HEMK2: variants seen among roughly 807,000 people sequenced by gnomAD.
The protein encoded by HEMK2 is HemK methyltransferase 2, ETF1 glutamine and histone H4 lysine.
chr21:28,876,142 G>A, the HEMK2 span: 1 of 294,700 alleles, frequency 3.4e-6, no homozygotes, highest in African/African-American at 2.2e-5. Context: ...ACCACATAAT[G>A]CTGAAATAAA....
the HEMK2 span, among the ~76,000 whole-genome samples, chr21:28,856,329 T>A: frequency 3.3e-5 from 5 of 151,912 alleles, no homozygotes; most frequent in African/African-American, 1.2e-4. Flanking sequence ...GCAGGAGAAT[T>A]GTTTCAACCT....
chr21:28,684,459 A>G, the HEMK2 span, among the ~76,000 whole-genome samples: 1 of 152,210 alleles, frequency 6.6e-6, no homozygotes, highest in Non-Finnish European at 1.5e-5. Context: ...CCTAATTTCG[A>G]GTCTGTCATT....
chr21:28,709,003 G>A, the HEMK2 span, among the ~76,000 whole-genome samples: 1 of 152,172 alleles, frequency 6.6e-6, no homozygotes, highest in Non-Finnish European at 1.5e-5. Context: ...GTATGGTCTG[G>A]TCCTGGTGAG....
At chr21:28,823,710 G>A in the HEMK2 span, among the ~76,000 whole-genome samples, 1 of 152,076 alleles carries the variant, frequency 6.6e-6, no homozygotes, top group African/African-American at 2.4e-5. Flanking sequence ...AAAGTAGCCC[G>A]CAAATCCTAG....
the HEMK2 span, among the ~76,000 whole-genome samples, chr21:28,686,211 T>C: frequency 1.3e-5 from 2 of 152,104 alleles, no homozygotes; most frequent in African/African-American, 4.8e-5. Context: ...TGTTTTTTGT[T>C]TTTTTGTTTT....
At chr21:28,799,908 T>C in the HEMK2 span, among the ~76,000 whole-genome samples, 1 of 152,314 alleles carries the variant, frequency 6.6e-6, no homozygotes, top group East Asian at 1.9e-4. Context: ...TGTAGTTCAG[T>C]GATGAGAGGA....
chr21:28,807,336 C>T, the HEMK2 span, among the ~76,000 whole-genome samples: 1 of 152,210 alleles, frequency 6.6e-6, no homozygotes, highest in African/African-American at 2.4e-5. Context: ...TGCCTACCCA[C>T]CATATCCAAT....
chr21:28,698,865 T>C, the HEMK2 span, among the ~76,000 whole-genome samples: 1 of 152,190 alleles, frequency 6.6e-6, no homozygotes, highest in African/African-American at 2.4e-5. Context: ...ATTATGTTTT[T>C]AAAAAGACAA....
the HEMK2 span, among the ~76,000 whole-genome samples, chr21:28,721,906 A>G: frequency 8.8e-5 from 12 of 136,524 alleles, no homozygotes; most frequent in African/African-American, 3.9e-4. Context: ...ACCATCACAC[A>G]CACACACACA....
At chr21:28,753,463 A>G in the HEMK2 span, among the ~76,000 whole-genome samples, 1 of 152,162 alleles carries the variant, frequency 6.6e-6, no homozygotes, top group Non-Finnish European at 1.5e-5. Flanking sequence ...TGGCCAGAAT[A>G]GATCATCTGG....
the HEMK2 span, among the ~76,000 whole-genome samples, chr21:28,667,592 C>T: frequency 6.8e-6 from 1 of 147,420 alleles, no homozygotes; most frequent in Non-Finnish European, 1.5e-5. Context: ...TGCATCATTG[C>T]ATGCCTCTAT....
At chr21:28,716,001 T>C in the HEMK2 span, among the ~76,000 whole-genome samples, 1 of 152,194 alleles carries the variant, frequency 6.6e-6, no homozygotes, top group African/African-American at 2.4e-5. Context: ...TTGATCTATG[T>C]ATCTGTTTTT....
chr21:28,628,460 CT>C, the HEMK2 span, among the ~76,000 whole-genome samples: 1 of 151,892 alleles, frequency 6.6e-6, no homozygotes, highest in East Asian at 1.9e-4. Flanking sequence ...CAAAGGTTTT[CT>C]TTTTTTTGAG....
At chr21:28,852,286 G>C in the HEMK2 span, among the ~76,000 whole-genome samples, 9 of 152,242 alleles carry the variant, frequency 5.9e-5, no homozygotes, top group South Asian at 1.9e-3. Flanking sequence ...TGTGGGTTCT[G>C]CCAGCTGCTA....
At chr21:28,713,291 C>G in the HEMK2 span, among the ~76,000 whole-genome samples, 2 of 152,174 alleles carry the variant, frequency 1.3e-5, no homozygotes, top group African/African-American at 2.4e-5. Context: ...ACCGGGAGGA[C>G]AGCGAGAGCA....
chr21:28,680,940 A>G, the HEMK2 span, among the ~76,000 whole-genome samples: 3 of 152,180 alleles, frequency 2.0e-5, no homozygotes, highest in Admixed American at 6.5e-5. Flanking sequence ...ACCACAGCCA[A>G]TATCATACTG....
At chr21:28,711,747 G>A in the HEMK2 span, among the ~76,000 whole-genome samples, 8 of 152,122 alleles carry the variant, frequency 5.3e-5, no homozygotes, top group South Asian at 2.1e-4. Context: ...GATTCATCTC[G>A]GCAGAAGTGT....
At chr21:28,828,844 G>A in the HEMK2 span, among the ~76,000 whole-genome samples, 19 of 152,050 alleles carry the variant, frequency 1.2e-4, no homozygotes, top group African/African-American at 4.1e-4. Context: ...AATTCATTAA[G>A]CCTTAGAATA....
the HEMK2 span, among the ~76,000 whole-genome samples, chr21:28,625,401 C>T: frequency 6.6e-6 from 1 of 152,118 alleles, no homozygotes; most frequent in Non-Finnish European, 1.5e-5. Context: ...CCAGTCTAAT[C>T]CTTTCATTTT....
Sources: gnomAD v4.1 joint callset for allele counts (sites outside exome capture counted in the v4.1 genomes callset) on GRCh38, gnomAD v4.1.1 for gene constraint, MANE v1.5 for transcripts, NCBI Gene and HGNC (gene_info 2026-07-23, HGNC 2026-07-21) for gene names.